The following AOX1 variants were observed in gnomAD, a reference collection of about 807,000 sequenced individuals.
The protein encoded by AOX1 is aldehyde oxidase 1.
A neutral mutation model predicts 169.5 loss-of-function variants in AOX1; 153 were observed. That is an observed-to-expected ratio of 0.90 (90% confidence interval 0.79 to 1.03). The LOEUF (loss-of-function observed/expected upper bound fraction) is 1.03, where lower values mean the gene tolerates loss of function less well. AOX1 is among the 50% of genes least tolerant of loss of function. AOX1 has a pLI of 0.00. For synonymous variants in AOX1, 562 were observed against 581.9 expected (o/e 0.97, Z 0.49); for missense variants, 1,656 against 1,663.9 (o/e 1.00, Z 0.08).
At chr2:200,653,768 C>T (rs1455771790) in intron 26 of AOX1, among the ~76,000 whole-genome samples, 1 of 152,210 alleles carries the variant, frequency 6.6e-6, no homozygotes, top group African/African-American at 2.4e-5. Flanking sequence ...TTGCTTCAAG[C>T]AAGTCTATTG....
chr2:200,619,024 A>G (rs2034826261), intron 16 of AOX1, among the ~76,000 whole-genome samples: 1 of 152,216 alleles, frequency 6.6e-6, no homozygotes, highest in African/African-American at 2.4e-5. Context: ...GGATTCAAGT[A>G]TCTAACTTAT....
rs754761962 is a variant in AOX1, at chr2:200,669,663, T to C, written c.3887T>C (p.Leu1296Pro). The change falls in exon 34 of 35, where the codon CTG (leucine) becomes CCG (proline). Residue 1296 changes from leucine to proline, a missense_variant. By Grantham distance (98) the Leu-to-Pro change is moderately conservative. Coordinates refer to ENST00000374700, the MANE Select transcript of AOX1 (RefSeq NM_001159.4). ...AGTGCAGCACGACAGGAGAGAGGCCTGCATGGACCCTTGACCCTTAATAGT... is the reference window on the plus strand; with the variant it reads ...AGTGCAGCACGACAGGAGAGAGGCCCGCATGGACCCTTGACCCTTAATAGT... ...AVSAARQERG[L>P]HGPLTLNSPL... 2 of 1,613,974 alleles carry C rather than the reference T, an allele frequency of 1.2e-6. No homozygotes were observed. Among genetic ancestry groups the C allele is most frequent in the Admixed American group, 1.7e-5 (1 of 60,006 alleles).
In AOX1 at chr2:200,623,861, G is replaced by C; in HGVS notation, c.2002G>C (p.Val668Leu). The C allele has an allele frequency of 2.5e-6, 4 of 1,613,810 alleles. No homozygotes were observed. Among genetic ancestry groups the C allele is most frequent in the Non-Finnish European group, 3.4e-6 (4 of 1,179,944 alleles). ...EAEKFLATDK[V>L]FCVGQLVCAV... ...CAACAAAGGTCTTTCTGTGTCGTAG[G>C]TGTTCTGTGTGGGTCAGCTTGTCTG... The change falls in exon 19 of 35, where the codon GTG becomes CTG. Residue 668 changes from valine (V) to leucine (L), a missense_variant and splice_region_variant. Val to Leu is a conservative substitution (Grantham distance 32). Transcript: ENST00000374700.
At chr2:200,657,160 C>CAAAAAAAAAAA (rs1442000312) in intron 27 of AOX1, among the ~76,000 whole-genome samples, 1 of 59,140 alleles carries the variant, frequency 1.7e-5, no homozygotes, top group African/African-American at 5.9e-5. Flanking sequence ...TCCATCTCTA[C>CAAAAAAAAAAA]CAAAAATATA....
intron 26 of AOX1, among the ~76,000 whole-genome samples, chr2:200,652,619 G>C (rs138080121): frequency 1.3e-5 from 2 of 152,162 alleles, no homozygotes; most frequent in South Asian, 4.1e-4. Context: ...AGCCTCCATT[G>C]TTCATGGATC....
At chr2:200,606,977 T>G (rs2034530591) in intron 10 of AOX1, among the ~76,000 whole-genome samples, 1 of 152,198 alleles carries the variant, frequency 6.6e-6, no homozygotes, top group Admixed American at 6.5e-5. Flanking sequence ...CTGTATTTCT[T>G]TCTCTTGCCT....
At chr2:200,611,006 A>G (rs566732419) in intron 12 of AOX1, among the ~76,000 whole-genome samples, 1 of 152,216 alleles carries the variant, frequency 6.6e-6, no homozygotes, top group South Asian at 2.1e-4. Context: ...GGTGCGCACA[A>G]CCATGCCCAG....
chr2:200,589,385 A>G (rs1427646327), intron 1 of AOX1, among the ~76,000 whole-genome samples: 3 of 152,188 alleles, frequency 2.0e-5, no homozygotes, highest in Admixed American at 6.5e-5. Context: ...GAAATGAAGC[A>G]TGTCATTTCA....
At chr2:200,616,762 A>G (rs1330287959) in intron 16 of AOX1, among the ~76,000 whole-genome samples, 1 of 152,202 alleles carries the variant, frequency 6.6e-6, no homozygotes, top group Non-Finnish European at 1.5e-5. Flanking sequence ...TGAAATTATT[A>G]TCAGGAAACT....
rs755694168 is a variant in AOX1, at chr2:200,663,903, T to A, written c.3543+934T>A. 9.2e-5 allele frequency among the ~76,000 whole-genome samples: 14 copies of A among 152,244 alleles called. 1 individual carries two copies. The highest frequency in any genetic ancestry group is 1.8e-4 in the Non-Finnish European group (12 of 68,044). On this transcript the variant is annotated intron_variant, in intron 31 of 34. Coordinates refer to ENST00000374700, the MANE Select transcript of AOX1 (RefSeq NM_001159.4). ...TCATTTAATAAGTCTCCAGCATGTA[T>A]TTTTTAAAACTATAGTCAACCTAAT...
chr2:200,663,577 C>CTG (rs1479086167), intron 31 of AOX1, among the ~76,000 whole-genome samples: 8,146 of 133,622 alleles, frequency 0.061, 209 homozygotes, highest in Middle Eastern at 0.074. Context: ...CACACACTCT[C>CTG]TCTCTCTCTC....
intron 25 of AOX1, 126 bp downstream of exon 25, chr2:200,642,927 C>T: frequency 3.3e-6 from 3 of 918,424 alleles, no homozygotes; most frequent in Non-Finnish European, 4.9e-6. Flanking sequence ...AGTCCCCCAG[C>T]TAACTGGTTA....
chr2:200,664,224 A>C (rs1383992440), intron 31 of AOX1, among the ~76,000 whole-genome samples: 1 of 152,224 alleles, frequency 6.6e-6, no homozygotes, highest in Non-Finnish European at 1.5e-5. Context: ...TCCTGGGTTT[A>C]AGTGATTCTT....
chr2:200,657,190 A>ATATTTT lies in AOX1; in HGVS notation c.3171+254_3171+255insATTTTT. On this transcript the variant is annotated intron_variant, in intron 27 of 34. Transcript: ENST00000374700. ...AATATATATATATATATATATATATATTTTTTTTTTTTTTTAATTAGCAGG... is the reference window on the plus strand; with the variant it reads ...AATATATATATATATATATATATATATATTTTTTTTTTTTTTTTTTTAATTAGCAGG... Among the ~76,000 whole-genome samples, 61 of 62,874 alleles carry ATATTTT rather than the reference A, an allele frequency of 9.7e-4. 2 individuals carry two copies. The highest frequency in any genetic ancestry group is 5.3e-3 in the South Asian group (8 of 1,506). 41.2% of individuals were successfully genotyped at this position (62,874 alleles called of 152,430 possible).
chr2:200,592,483 A>G (rs1014930424), intron 1 of AOX1, among the ~76,000 whole-genome samples: 6 of 152,216 alleles, frequency 3.9e-5, no homozygotes, highest in Non-Finnish European at 8.8e-5. Context: ...CACTTTGGAA[A>G]ACATAACCAA....
chr2:200,648,301 C>A (rs796068628), intron 25 of AOX1, among the ~76,000 whole-genome samples: 1 of 152,208 alleles, frequency 6.6e-6, no homozygotes, highest in Non-Finnish European at 1.5e-5. Flanking sequence ...GTAGTACTCT[C>A]CCCCTTTCCC....
At chr2:200,680,906 G>A (rs1460621194), downstream of AOX1, among the ~76,000 whole-genome samples, 1 of 152,098 alleles carries the variant, frequency 6.6e-6, no homozygotes, top group African/African-American at 2.4e-5. Flanking sequence ...TAGTAAAAAT[G>A]CCCTAAAGTG....
chr2:200,611,426 A>C lies in AOX1; in HGVS notation c.1196A>C (p.Lys399Thr). Residue 399 changes from lysine to threonine, a missense_variant, in exon 13 of 35, where the codon AAG becomes ACG. Lys to Thr is a moderately conservative substitution (Grantham distance 78). Transcript: ENST00000374700. ...CCTTTAAATGAGCAATTCCTCAGCAAGTGCCCTAATGCAGATCTTAAGCCT... is the reference window on the plus strand; with the variant it reads ...CCTTTAAATGAGCAATTCCTCAGCACGTGCCCTAATGCAGATCTTAAGCCT... ...QIPLNEQFLS[K>T]CPNADLKPQE... The C allele has an allele frequency of 6.2e-7, 1 of 1,614,070 alleles. No homozygotes were observed. The highest frequency in any genetic ancestry group is 8.5e-7 in the Non-Finnish European group (1 of 1,179,944).
intron 25 of AOX1, among the ~76,000 whole-genome samples, chr2:200,643,398 C>CATAT (rs1553575177): frequency 0.08 from 11,838 of 148,738 alleles, 871 homozygotes; most frequent in East Asian, 0.24. Flanking sequence ...CACACACACA[C>CATAT]ATATATATAT....
Sources: gnomAD v4.1 joint callset for allele counts (sites outside exome capture counted in the v4.1 genomes callset) on GRCh38, gnomAD v4.1.1 for gene constraint, MANE v1.5 for transcripts, NCBI Gene and HGNC (gene_info 2026-07-23, HGNC 2026-07-21) for gene names.